The following PAPOLA variants were observed in gnomAD, a reference collection of about 807,000 sequenced individuals.
The protein encoded by PAPOLA is polynucleotide adenylyltransferase alpha.
PAPOLA carries 15 observed loss-of-function variants against 100.6 expected under a neutral mutation model. That is an observed-to-expected ratio of 0.15 (90% confidence interval 0.10 to 0.23). The LOEUF (loss-of-function observed/expected upper bound fraction) is 0.23, where lower values mean the gene tolerates loss of function less well. Ranked by LOEUF, PAPOLA falls within the 10% of genes least tolerant of loss-of-function variation. PAPOLA has a pLI of 1.00. For missense variants in PAPOLA, 533 were observed against 884.2 expected, an observed-to-expected ratio of 0.60 and a Z score of 5.04; for synonymous variants, 293 against 300.0, an observed-to-expected ratio of 0.98 and a Z score of 0.24.
At chr14:96,535,700 T>C (rs1566851990) in intron 10 of PAPOLA, 179 bp from the exon 11 acceptor site, 1 of 818,836 alleles carries the variant, frequency 1.2e-6, no homozygotes, top group Non-Finnish European at 1.6e-6. Context: ...AGATGAAATC[T>C]TTGATTCTAT....
At chr14:96,503,533 A>G (rs1896487336) in intron 1 of PAPOLA, among the ~76,000 whole-genome samples, 1 of 151,550 alleles carries the variant, frequency 6.6e-6, no homozygotes, top group South Asian at 2.1e-4. Flanking sequence ...TTTCCTGCAA[A>G]TATACAGCAT....
chr14:96,563,087 G>A (rs1901998131), intron 21 of PAPOLA, among the ~76,000 whole-genome samples, 194 bp downstream of exon 21: 1 of 152,102 alleles, frequency 6.6e-6, no homozygotes, highest in African/African-American at 2.4e-5. Flanking sequence ...CTCTGGGACT[G>A]TTTCGATGTT....
upstream of PAPOLA, chr14:96,502,376 A>G (rs1373636351): frequency 2.9e-6 from 2 of 697,660 alleles, no homozygotes; most frequent in Non-Finnish European, 2.6e-6. Flanking sequence ...TGGCGTCAGC[A>G]GTTCTAGAAC....
intron 16 of PAPOLA, among the ~76,000 whole-genome samples, chr14:96,548,704 TAAA>T (rs1011788747): frequency 6.6e-5 from 10 of 152,138 alleles, no homozygotes; most frequent in African/African-American, 2.4e-4. Flanking sequence ...TTTAAAAACC[TAAA>T]AAACAATGTA....
At chr14:96,541,301 A>G (rs1156571382) in intron 12 of PAPOLA, among the ~76,000 whole-genome samples, 1 of 152,208 alleles carries the variant, frequency 6.6e-6, no homozygotes, top group Non-Finnish European at 1.5e-5. Context: ...GTTAGAAAGT[A>G]TTAGGAAGGT....
intron 2 of PAPOLA, 119 bp from the exon 3 acceptor site, chr14:96,520,885 AAT>A (rs1897906060): frequency 1.5e-6 from 1 of 659,686 alleles, no homozygotes; most frequent in Admixed American, 2.5e-5. Flanking sequence ...CACTAACTAC[AAT>A]ATACTGTGCT....
At chr14:96,527,694 G>T in intron 5 of PAPOLA, 155 bp downstream of exon 5, 1 of 613,508 alleles carries the variant, frequency 1.6e-6, no homozygotes, top group Middle Eastern at 4.3e-4. Flanking sequence ...ATTCTTTACA[G>T]CAAGCCTAAA....
intron 6 of PAPOLA, among the ~76,000 whole-genome samples, chr14:96,530,872 T>C (rs1382638449): frequency 1.3e-5 from 2 of 152,114 alleles, no homozygotes; most frequent in Non-Finnish European, 2.9e-5. Context: ...TGGAGTGCGG[T>C]GGCATGGTTT....
intron 13 of PAPOLA, 70 bp from the exon 14 acceptor site, chr14:96,542,704 A>G (rs1196938253): frequency 7.2e-7 from 1 of 1,381,420 alleles, no homozygotes. Flanking sequence ...ATGCCCTGGT[A>G]TGTGCATTTT....
chr14:96,543,417 C>T (rs1900148951), intron 14 of PAPOLA, among the ~76,000 whole-genome samples: 2 of 151,858 alleles, frequency 1.3e-5, no homozygotes, highest in African/African-American at 2.4e-5. Context: ...GTTTGCTGTT[C>T]GTATGAGACT....
intron 1 of PAPOLA, among the ~76,000 whole-genome samples, chr14:96,509,386 T>TG (rs1566831092): frequency 2.0e-5 from 3 of 152,186 alleles, no homozygotes; most frequent in African/African-American, 7.2e-5. Context: ...TCAATTTTTT[T>TG]TGTGTGTATA....
chr14:96,535,121 C>CA (rs1899405934), intron 10 of PAPOLA: 1 of 974,844 alleles, frequency 1.0e-6, no homozygotes. Context: ...TTACCGCTTA[C>CA]TCATTTTAAA....
intron 21 of PAPOLA, 100 bp from the exon 22 acceptor site, chr14:96,564,855 T>A: frequency 1.5e-6 from 1 of 683,394 alleles, no homozygotes; most frequent in Non-Finnish European, 2.7e-6. Flanking sequence ...AATACTTTTC[T>A]TCTTAGAAGG....
At chr14:96,541,758 A>G (rs1443923357) in intron 12 of PAPOLA, 1 of 152,154 alleles carries the variant, frequency 6.6e-6, no homozygotes, top group African/African-American at 2.4e-5. Context: ...TATTCAGTTT[A>G]ATTTTCACTA....
At chr14:96,556,453 C>T (rs534269892) in intron 19 of PAPOLA, 40 bp downstream of exon 19, 5 of 1,235,908 alleles carry the variant, frequency 4.0e-6, no homozygotes, top group Non-Finnish European at 5.9e-6. Flanking sequence ...CATGGCAACA[C>T]CAACTGCCTA....
Position 96,503,026 on chromosome 14 carries a change from G to A in PAPOLA, c.8+426G>A, listed in dbSNP as rs1398848953. On this transcript the variant is annotated intron_variant, in intron 1 of 21. Transcript: ENST00000216277. ...CGGGCTCGCTCTCGGCGCCCCTCGGGCCCATTCGATGTTGCTTTTCTGTTC... is the reference window on the plus strand; with the variant it reads ...CGGGCTCGCTCTCGGCGCCCCTCGGACCCATTCGATGTTGCTTTTCTGTTC... 3 of 190,032 alleles carry A rather than the reference G, an allele frequency of 1.6e-5. No individual in the cohort carries two copies. The East Asian group carries it at 4.0e-4, about 25-fold the overall frequency. 11.8% of individuals were successfully genotyped at this position (190,032 alleles called of 1,614,324 possible). A position where few individuals can be genotyped will look rare whatever the true frequency, so the allele number is the denominator to read the frequency against.
chr14:96,543,052 A>G (rs1900119761), intron 14 of PAPOLA, among the ~76,000 whole-genome samples, 159 bp downstream of exon 14: 1 of 152,182 alleles, frequency 6.6e-6, no homozygotes, highest in Admixed American at 6.5e-5. Context: ...GATCAGAAAC[A>G]TTGAAGAGAA....
chr14:96,535,790 A>G, intron 10 of PAPOLA, 89 bp from the exon 11 acceptor site: 1 of 1,116,464 alleles, frequency 9.0e-7, no homozygotes, highest in Non-Finnish European at 1.2e-6. Context: ...AAAAAATAGA[A>G]TCATTGGTTC....
chr14:96,551,569 C>T (rs1330786098), intron 16 of PAPOLA, among the ~76,000 whole-genome samples: 1 of 151,968 alleles, frequency 6.6e-6, no homozygotes, highest in African/African-American at 2.4e-5. Context: ...AATGCAGGCA[C>T]ATGTATAAGG....
Sources: gnomAD v4.1 joint callset for allele counts (sites outside exome capture counted in the v4.1 genomes callset) on GRCh38, gnomAD v4.1.1 for gene constraint, MANE v1.5 for transcripts, NCBI Gene and HGNC (gene_info 2026-07-23, HGNC 2026-07-21) for gene names.